The following MARCHF1 variants were observed in gnomAD, a reference collection of about 807,000 sequenced individuals.
MARCHF1 encodes membrane associated ring-CH-type finger 1.
A neutral mutation model predicts 54.2 loss-of-function variants in MARCHF1; 40 were observed. The ratio of observed to expected loss-of-function variants is 0.74; its 90% CI spans 0.57 to 0.96. The LOEUF (loss-of-function observed/expected upper bound fraction) is 0.96. MARCHF1 is among the 40% of genes least tolerant of loss of function. The probability of loss-of-function intolerance (pLI) is 0.00; values close to 1 mark genes in which losing one functional copy is unlikely to be tolerated. For synonymous variants in MARCHF1, 236 were observed against 236.3 expected (o/e 1.00, Z 0.01); for missense variants, 586 against 656.5 (o/e 0.89, Z 1.17).
At chr4:163,577,974 T>C (rs2110789261) in intron 8 of MARCHF1, among the ~76,000 whole-genome samples, 1 of 152,118 alleles carries the variant, frequency 6.6e-6, no homozygotes, top group Admixed American at 6.5e-5. Flanking sequence ...ATGAAATTAA[T>C]TTAAAACTCA....
chr4:163,837,672 G>GAAAACAAATTAACAAAACTA (rs1553957160), intron 4 of MARCHF1, among the ~76,000 whole-genome samples: 1 of 151,096 alleles, frequency 6.6e-6, no homozygotes, highest in East Asian at 1.9e-4. Context: ...AAAATATAAA[G>GAAAACAAATTAACAAAACTA]AAAACAAATT....
intron 3 of MARCHF1, among the ~76,000 whole-genome samples, chr4:163,867,101 A>T (rs1330825061): frequency 6.6e-6 from 1 of 151,830 alleles, no homozygotes; most frequent in Non-Finnish European, 1.5e-5. Flanking sequence ...TTCTAATCAC[A>T]TGGTTAGTCT....
At chr4:163,802,066 A>C (rs1748097881) in intron 4 of MARCHF1, among the ~76,000 whole-genome samples, 1 of 152,138 alleles carries the variant, frequency 6.6e-6, no homozygotes, top group Non-Finnish European at 1.5e-5. Flanking sequence ...CATCAATGAT[A>C]GTTCTTTGCA....
intron 1 of MARCHF1, among the ~76,000 whole-genome samples, chr4:164,174,935 T>C (rs1730623665): frequency 6.6e-6 from 1 of 152,102 alleles, no homozygotes; most frequent in Non-Finnish European, 1.5e-5. Flanking sequence ...AAATTGGCTA[T>C]GAGATATCTT....
intron 3 of MARCHF1, among the ~76,000 whole-genome samples, chr4:163,940,495 TTGTG>T (rs1751890799): frequency 1.3e-5 from 2 of 152,052 alleles, no homozygotes; most frequent in South Asian, 4.2e-4. Flanking sequence ...CTGTAATAGA[TTGTG>T]TGTGTGTTTC....
intron 3 of MARCHF1, among the ~76,000 whole-genome samples, chr4:163,902,215 C>G (rs1349550337): frequency 2.0e-5 from 3 of 152,150 alleles, no homozygotes; most frequent in African/African-American, 7.2e-5. Context: ...ACCTTTAGAT[C>G]CCACAGGGGT....
intron 3 of MARCHF1, among the ~76,000 whole-genome samples, chr4:163,974,623 T>G (rs1344396820): frequency 1.3e-5 from 2 of 152,218 alleles, no homozygotes; most frequent in African/African-American, 4.8e-5. Context: ...GCTACTCAGT[T>G]TTAAAGTCAT....
chr4:163,897,099 C>A (rs1237845352), intron 3 of MARCHF1, among the ~76,000 whole-genome samples: 3 of 152,108 alleles, frequency 2.0e-5, no homozygotes, highest in Non-Finnish European at 2.9e-5. Context: ...TGATCTTCAC[C>A]CAACTATGGC....
chr4:163,866,466 T>TTATATATATATATATA (rs57733725), intron 3 of MARCHF1, among the ~76,000 whole-genome samples: 4,222 of 124,236 alleles, frequency 0.034, 180 homozygotes, highest in African/African-American at 0.058. Flanking sequence ...AAAGCTGTAG[T>TTATATATATATATATA]TATATATATA....
At chr4:163,862,995 T>C (rs1163573431) in intron 3 of MARCHF1, among the ~76,000 whole-genome samples, 1 of 152,060 alleles carries the variant, frequency 6.6e-6, no homozygotes, top group African/African-American at 2.4e-5. Context: ...TCCAATTATA[T>C]AGCATTCTAG....
At chr4:164,367,655 CTTTAT>C (rs1475756578) in intron 1 of MARCHF1, among the ~76,000 whole-genome samples, 1 of 150,794 alleles carries the variant, frequency 6.6e-6, no homozygotes, top group Non-Finnish European at 1.5e-5. Flanking sequence ...TCTTTTTTAC[CTTTAT>C]TTTCTTTTTC....
At chr4:164,327,913 T>C (rs543628372) in intron 1 of MARCHF1, among the ~76,000 whole-genome samples, 1 of 152,302 alleles carries the variant, frequency 6.6e-6, no homozygotes, top group East Asian at 1.9e-4. Flanking sequence ...AGGTATGTCA[T>C]ATGTGGGTTG....
chr4:163,670,131 A>C (rs1743680956), intron 5 of MARCHF1, among the ~76,000 whole-genome samples: 1 of 152,124 alleles, frequency 6.6e-6, no homozygotes, highest in Non-Finnish European at 1.5e-5. Flanking sequence ...AGACATAATA[A>C]AAAATTTCAG....
At chr4:163,750,328 G>A (rs1045906608) in intron 4 of MARCHF1, among the ~76,000 whole-genome samples, 27 of 151,662 alleles carry the variant, frequency 1.8e-4, no homozygotes, top group African/African-American at 5.6e-4. Context: ...TGGCTAACAC[G>A]GTGAAACCCC....
chr4:163,535,284 T>G (rs1738491412), intron 9 of MARCHF1, among the ~76,000 whole-genome samples: 1 of 152,110 alleles, frequency 6.6e-6, no homozygotes, highest in African/African-American at 2.4e-5. Flanking sequence ...ATACAAATTG[T>G]TTTATTCTTG....
intron 4 of MARCHF1, among the ~76,000 whole-genome samples, chr4:163,717,257 T>C (rs1484888189): frequency 1.3e-5 from 2 of 150,974 alleles, no homozygotes; most frequent in African/African-American, 4.9e-5. Context: ...TTTGGTTTTT[T>C]GTCCTTGCGA....
At chr4:164,097,350 C>T (rs1755438297) in intron 2 of MARCHF1, among the ~76,000 whole-genome samples, 1 of 152,114 alleles carries the variant, frequency 6.6e-6, no homozygotes, top group Admixed American at 6.6e-5. Context: ...TCTCTTGAAT[C>T]CTTAAATTAT....
intron 2 of MARCHF1, among the ~76,000 whole-genome samples, chr4:164,060,037 CAATTA>C (rs768087336): frequency 7.9e-5 from 12 of 152,040 alleles, no homozygotes; most frequent in Non-Finnish European, 8.8e-5. Context: ...CATTTTGCCT[CAATTA>C]AATTAGATAA....
chr4:163,659,028 T>C (rs1743252285), intron 5 of MARCHF1, among the ~76,000 whole-genome samples: 1 of 152,028 alleles, frequency 6.6e-6, no homozygotes, highest in Non-Finnish European at 1.5e-5. Context: ...TAAAATCTTT[T>C]CATAATAGTA....
Sources: allele counts gnomAD v4.1 joint callset (sites outside exome capture counted in the v4.1 genomes callset), GRCh38; gene constraint gnomAD v4.1.1; transcripts MANE v1.5; gene names NCBI Gene and HGNC (gene_info 2026-07-23, HGNC 2026-07-21).